The following CS variants were observed in gnomAD, a reference collection of about 807,000 sequenced individuals.
CS encodes citrate synthase, also known as citrate synthase, mitochondrial.
Under a neutral mutation model 61.4 loss-of-function variants are expected in CS, and 13 were observed. That is an observed-to-expected ratio of 0.21 (90% CI 0.14 to 0.34). CS has a LOEUF of 0.34. Ranked by LOEUF, CS falls within the 10% of genes least tolerant of loss-of-function variation. The pLI, the probability that CS is intolerant of heterozygous loss-of-function variation, is 1.00. For synonymous variants in CS, 159 were observed against 215.2 expected (o/e 0.74, Z 2.29); for missense variants, 278 against 573.4 (o/e 0.48, Z 5.26).
chr12:56,284,897 C>CA (rs71081341), intron 3 of CS, among the ~76,000 whole-genome samples: 70 of 99,882 alleles, frequency 7.0e-4, no homozygotes, highest in African/African-American at 2.1e-3. Flanking sequence ...GACTCCGTCC[C>CA]AAAAAAAAAA....
intron 6 of CS, 21 bp from the exon 7 acceptor site, chr12:56,276,216 T>C (rs1565619298): frequency 4.4e-6 from 7 of 1,608,146 alleles, no homozygotes; most frequent in South Asian, 3.3e-5. Flanking sequence ...AGGAGCAAGA[T>C]GGAGAAAAAA....
intron 9 of CS, 199 bp from the exon 10 acceptor site, chr12:56,273,995 G>A (rs1292595191): frequency 1.8e-6 from 1 of 542,650 alleles, no homozygotes; most frequent in East Asian, 3.3e-5. Flanking sequence ...CAACACATCT[G>A]GCTTTTTTTT....
At chr12:56,275,407 T>G (rs773983705) in intron 7 of CS, 3 of 342,036 alleles carry the variant, frequency 8.8e-6, no homozygotes, top group Non-Finnish European at 1.7e-5. Flanking sequence ...ACCCCGTCTC[T>G]GCTAAAAATA....
Position 56,273,139 on chromosome 12 carries a change from G to A in CS, c.1346C>T (p.Pro449Leu). The part of the protein sequence containing the change: ...SRALGFPLER[P>L]KSMSTEGLMK... Reference sequence around the variant, plus strand: ...CAGACCCTCTGTGCTCATGGACTTGGGCCTTTCTAGAGGGAAGCCTAAGGC... The same window carrying A: ...CAGACCCTCTGTGCTCATGGACTTGAGCCTTTCTAGAGGGAAGCCTAAGGC... Residue 449 changes from proline (P) to leucine (L), a missense_variant, in exon 11 of 11, where the codon CCC (proline) becomes CTC (leucine). This residue lies in a region of CS where 223 missense variants were observed against 503.5 expected (regional missense o/e 0.44). Coordinates refer to ENST00000351328, the MANE Select transcript of CS (RefSeq NM_004077.3). 1.9e-6 allele frequency: 3 copies of A among 1,613,846 alleles called. No homozygotes were observed. Among genetic ancestry groups the A allele is most frequent in the Non-Finnish European group, 2.5e-6 (3 of 1,179,774 alleles).
Position 56,274,846 on chromosome 12 carries a change from C to T in CS, c.951G>A (p.Lys317=). The change falls in exon 9 of 11, where the codon AAG becomes AAA. Residue 317 remains lysine (K), a synonymous_variant. Coordinates refer to ENST00000351328, the MANE Select transcript of CS (RefSeq NM_004077.3). ...EVLVWLTQLQ[K]EVGKDVSDEK... is the part of the protein sequence containing the mutation. ...CATCTGACACATCTTTGCCAACTTCCTTCTGCAGCTGTGTTAGCCAGACAA... is the reference window on the plus strand; with the variant it reads ...CATCTGACACATCTTTGCCAACTTCTTTCTGCAGCTGTGTTAGCCAGACAA... The T allele has an allele frequency of 6.2e-7, 1 of 1,611,538 alleles. No individual in the cohort carries two copies. The highest frequency in any genetic ancestry group is 1.1e-5 in the South Asian group (1 of 90,566).
chr12:56,275,306 G>A (rs1872599020), intron 7 of CS, 175 bp from the exon 8 acceptor site: 2 of 712,050 alleles, frequency 2.8e-6, no homozygotes, highest in Non-Finnish European at 4.5e-6. Context: ...CAGGCACAGT[G>A]GCTCACGCCT....
Position 56,295,951 on chromosome 12 carries a change from C to CAAAAAAA in CS, c.42+4202_42+4208dup, listed in dbSNP as rs71081343. ...CCTAGGCGACAGAGCGAAACTGTCTCAAAAAAAAAAAAAAAAAAAAAAAAA... is the reference window on the plus strand; with the variant it reads ...CCTAGGCGACAGAGCGAAACTGTCTCAAAAAAAAAAAAAAAAAAAAAAAAAAAAAAAA... On this transcript the variant is annotated intron_variant, in intron 1 of 10. Coordinates refer to ENST00000351328, the MANE Select transcript of CS (RefSeq NM_004077.3). Among the ~76,000 whole-genome samples the CAAAAAAA allele has an allele frequency of 4.5e-3, 183 of 40,548 alleles. 3 individuals are homozygous for CAAAAAAA. Among genetic ancestry groups the CAAAAAAA allele is most frequent in the Middle Eastern group, 0.023 (1 of 44 alleles). The allele number at this position is 40,548 out of a possible 152,430, so 26.6% of individuals were successfully genotyped here.
intron 4 of CS, 68 bp from the exon 5 acceptor site, chr12:56,283,059 C>T: frequency 6.5e-7 from 1 of 1,545,428 alleles, no homozygotes; most frequent in African/African-American, 1.4e-5. Flanking sequence ...TGGTCTTACT[C>T]ATCAGACCTT....
intron 1 of CS, among the ~76,000 whole-genome samples, chr12:56,299,148 G>A (rs1450461156): frequency 1.3e-5 from 2 of 152,074 alleles, no homozygotes; most frequent in African/African-American, 4.8e-5. Context: ...TAAGTTCTTT[G>A]CAGAAGTCAA....
rs1207917620 is a variant in CS, at chr12:56,284,338, GA to G, written c.202-482del. ...CCATCTCAAAAAAAAAAAAAAAAAA[GA>G]AAAAAAAAAACAAACTTTGTGGCCA... is the stretch of plus-strand genomic sequence containing the variant. On this transcript the variant is annotated intron_variant, in intron 3 of 10. Transcript: ENST00000351328. 5.5e-3 allele frequency among the ~76,000 whole-genome samples: 587 copies of G among 105,892 alleles called. 1 individual carries two copies. The highest frequency in any genetic ancestry group is 0.01 in the South Asian group (33 of 3,158). The allele number at this position is 105,892 out of a possible 152,430, so 69.5% of individuals were successfully genotyped here.
In CS at chr12:56,281,165, T is replaced by A. The variant is rs1404778236; in HGVS notation, c.588+1255A>T. 4.6e-5 allele frequency among the ~76,000 whole-genome samples: 7 copies of A among 152,108 alleles called. No individual in the cohort carries two copies. In the East Asian group the frequency reaches 1.2e-3, roughly 25 times the overall value. The stretch of plus-strand genomic sequence containing the variant: ...ATGTACCTGCTTTGTAAAAAGAAAA[T>A]TTTCTGTTCCTATACTACCTATCTC... On this transcript the variant is annotated intron_variant, in intron 6 of 10. Coordinates refer to ENST00000351328, the MANE Select transcript of CS (RefSeq NM_004077.3).
At chr12:56,278,481 G>A (rs908780380) in intron 6 of CS, among the ~76,000 whole-genome samples, 2 of 152,116 alleles carry the variant, frequency 1.3e-5, no homozygotes, top group Non-Finnish European at 2.9e-5. Flanking sequence ...GCTCACACCT[G>A]TAATCCCAGA....
At chr12:56,283,888 A>AG in intron 3 of CS, 31 bp from the exon 4 acceptor site, 1 of 1,547,964 alleles carries the variant, frequency 6.5e-7, no homozygotes, top group Non-Finnish European at 8.9e-7. Context: ...AGGAAAAAAA[A>AG]AAGAGGCTGT....
In CS at chr12:56,273,924, C is replaced by A. The variant is rs958029901; in HGVS notation, c.1021-128G>T. 3.9e-6 allele frequency: 3 copies of A among 759,834 alleles called. No individual in the cohort carries two copies. In the African/African-American group the frequency reaches 5.2e-5, roughly 13 times the overall value. The allele number at this position is 759,834 out of a possible 1,614,324, so 47.1% of individuals were successfully genotyped here. A position where few individuals can be genotyped will look rare whatever the true frequency, so the allele number is the denominator to read the frequency against. On this transcript the variant is annotated intron_variant, in intron 9 of 10. Coordinates refer to ENST00000351328, the MANE Select transcript of CS (RefSeq NM_004077.3). Reference sequence around the variant, plus strand: ...TCACATCTCACGGCAGCCTCGACCTCCCAGGCTCAGGCAATTCTCCCACTT... The same window carrying A: ...TCACATCTCACGGCAGCCTCGACCTACCAGGCTCAGGCAATTCTCCCACTT...
At chr12:56,300,108 G>T in intron 1 of CS, 52 bp downstream of exon 1, 1 of 1,532,084 alleles carries the variant, frequency 6.5e-7, no homozygotes, top group South Asian at 1.2e-5. Context: ...GAGGGCCTGC[G>T]GTCGCCTCAG....
chr12:56,293,944 G>T (rs376013385), intron 1 of CS, among the ~76,000 whole-genome samples: 6 of 152,082 alleles, frequency 3.9e-5, no homozygotes. Flanking sequence ...CAGAGAACAC[G>T]AACACAAATA....
chr12:56,277,243 T>C (rs983175898), intron 6 of CS, among the ~76,000 whole-genome samples: 3 of 147,964 alleles, frequency 2.0e-5, no homozygotes, highest in Non-Finnish European at 4.4e-5. Context: ...CTCATGCCTG[T>C]AATCCCAGCA....
chr12:56,295,867 T>C (rs1166582657), intron 1 of CS, among the ~76,000 whole-genome samples: 1 of 133,618 alleles, frequency 7.5e-6, no homozygotes, highest in Non-Finnish European at 1.5e-5. Context: ...GGCAGGAGAA[T>C]GGCGTGAACC....
chr12:56,291,222 T>A (rs1228404292), intron 1 of CS: 2 of 1,171,894 alleles, frequency 1.7e-6, no homozygotes, highest in Non-Finnish European at 2.1e-6. Context: ...TCACCTACCA[T>A]CAAGTGTCAG....
Sources: gnomAD v4.1 joint callset for allele counts (sites outside exome capture counted in the v4.1 genomes callset) on GRCh38, gnomAD v4.1.1 for gene constraint, gnomAD v4.1.1 regional missense constraint, MANE v1.5 for transcripts, NCBI Gene and HGNC (gene_info 2026-07-23, HGNC 2026-07-21) for gene names.